BICC1: variants seen among roughly 807,000 people sequenced by gnomAD.
BICC1 encodes protein bicaudal C homolog 1.
Under a neutral mutation model 111.0 loss-of-function variants are expected in BICC1, and 43 were observed. That is an observed-to-expected ratio of 0.39 (90% confidence interval 0.30 to 0.50). The LOEUF (loss-of-function observed/expected upper bound fraction) is 0.50. Among genes scored for constraint, BICC1 ranks in the 20% least tolerant of loss-of-function variants. BICC1 has a pLI of 0.88. For synonymous variants in BICC1, 467 were observed against 434.4 expected, an observed-to-expected ratio of 1.07 and a Z score of -0.93; for missense variants, 1,091 against 1,203.2, an observed-to-expected ratio of 0.91 and a Z score of 1.38.
chr10:58,697,141 C>T (rs928059247), intron 2 of BICC1, among the ~76,000 whole-genome samples: 2 of 152,158 alleles, frequency 1.3e-5, no homozygotes, highest in Admixed American at 1.3e-4. Flanking sequence ...CAGAATGATC[C>T]GCTTAATTGA....
chr10:58,730,169 A>G (rs1431622292), intron 3 of BICC1, among the ~76,000 whole-genome samples: 1 of 152,062 alleles, frequency 6.6e-6, no homozygotes, highest in Admixed American at 6.6e-5. Context: ...TAGGTAAAAT[A>G]CTCCAGTTCC....
At chr10:58,515,168 C>G (rs1427200) in intron 1 of BICC1, among the ~76,000 whole-genome samples, 25 of 152,078 alleles carry the variant, frequency 1.6e-4, no homozygotes, top group African/African-American at 5.8e-4. Flanking sequence ...AGATGTGATA[C>G]TACGATCTGA....
intron 4 of BICC1, among the ~76,000 whole-genome samples, 183 bp downstream of exon 4, chr10:58,785,263 C>A (rs898936036): frequency 6.6e-6 from 1 of 152,130 alleles, no homozygotes; most frequent in African/African-American, 2.4e-5. Flanking sequence ...TAGGTTCTTT[C>A]ATGCTGAGTA....
At chr10:58,702,012 A>G in intron 2 of BICC1, 62 bp from the exon 3 acceptor site, 1 of 1,305,990 alleles carries the variant, frequency 7.7e-7, no homozygotes, top group Admixed American at 1.9e-5. Context: ...TGTGTGTGAA[A>G]AATCTTATCT....
intron 2 of BICC1, among the ~76,000 whole-genome samples, chr10:58,664,642 C>T (rs1838951908): frequency 6.7e-6 from 1 of 150,212 alleles, no homozygotes; most frequent in South Asian, 2.1e-4. Context: ...TCTGGGCCAT[C>T]TTGAGGTCTA....
intron 2 of BICC1, among the ~76,000 whole-genome samples, chr10:58,695,579 A>G (rs1840043860): frequency 6.6e-6 from 1 of 152,220 alleles, no homozygotes; most frequent in African/African-American, 2.4e-5. Context: ...AAGTTAGTAT[A>G]AATAGACCTG....
intron 1 of BICC1, among the ~76,000 whole-genome samples, chr10:58,577,008 A>G (rs894754933): frequency 1.3e-5 from 2 of 152,148 alleles, no homozygotes; most frequent in African/African-American, 2.4e-5. Flanking sequence ...AATGAGGGAA[A>G]ACAGAAACAA....
At chr10:58,822,352 A>T (rs941200346) in intron 20 of BICC1, among the ~76,000 whole-genome samples, 3 of 152,168 alleles carry the variant, frequency 2.0e-5, no homozygotes, top group Non-Finnish European at 4.4e-5. Context: ...AGCTGTAAAT[A>T]CATTCACAGG....
At chr10:58,512,871 C>A (rs1006054861), upstream of BICC1, among the ~76,000 whole-genome samples, 8 of 147,928 alleles carry the variant, frequency 5.4e-5, no homozygotes, top group Non-Finnish European at 1.2e-4. Flanking sequence ...GCGGCGCGCT[C>A]ATTCCGCGCG....
intron 2 of BICC1, among the ~76,000 whole-genome samples, chr10:58,698,391 C>T (rs1359414167): frequency 3.3e-5 from 5 of 152,250 alleles, no homozygotes; most frequent in Admixed American, 2.0e-4. Flanking sequence ...ACATGCCCTC[C>T]TCCTCTGCCT....
At chr10:58,545,986 A>C (rs1843128037) in intron 1 of BICC1, among the ~76,000 whole-genome samples, 3 of 152,118 alleles carry the variant, frequency 2.0e-5, no homozygotes, top group Admixed American at 2.0e-4. Flanking sequence ...ATATCTATTT[A>C]TATCTTGTTT....
At chr10:58,648,975 A>T (rs1838356950) in intron 2 of BICC1, among the ~76,000 whole-genome samples, 1 of 152,194 alleles carries the variant, frequency 6.6e-6, no homozygotes, top group South Asian at 2.1e-4. Flanking sequence ...CTTCTCCTTC[A>T]CACTTAATGA....
chr10:58,754,859 T>G (rs1264571668), intron 3 of BICC1, among the ~76,000 whole-genome samples: 1 of 152,104 alleles, frequency 6.6e-6, no homozygotes, highest in African/African-American at 2.4e-5. Context: ...GAAAGGACTT[T>G]GAATGTGAAA....
intron 3 of BICC1, among the ~76,000 whole-genome samples, chr10:58,776,573 G>A (rs1842754414): frequency 6.6e-6 from 1 of 152,170 alleles, no homozygotes; most frequent in Non-Finnish European, 1.5e-5. Context: ...GGATGCCATT[G>A]CCATTGCAGA....
chr10:58,553,068 T>A (rs1190991241), intron 1 of BICC1, among the ~76,000 whole-genome samples: 7 of 152,182 alleles, frequency 4.6e-5, no homozygotes, highest in Non-Finnish European at 8.8e-5. Flanking sequence ...TTGACCCCCA[T>A]AGGGCTTGTT....
intron 1 of BICC1, among the ~76,000 whole-genome samples, chr10:58,552,872 T>C (rs1189576819): frequency 6.6e-6 from 1 of 152,172 alleles, no homozygotes; most frequent in African/African-American, 2.4e-5. Flanking sequence ...AACAGGGCTT[T>C]CCTCACAATG....
chr10:58,613,609 T>C lies in BICC1; in HGVS notation c.191-7246T>C, dbSNP rs573452225. Among the ~76,000 whole-genome samples the C allele has an allele frequency of 6.4e-4, 97 of 152,320 alleles. No individual in the cohort carries two copies. In the South Asian group the frequency reaches 0.01, roughly 16 times the overall value. On this transcript the variant is annotated intron_variant, in intron 1 of 20. Coordinates refer to ENST00000373886, the MANE Select transcript of BICC1 (RefSeq NM_001080512.3). ...TAATGGTCTCCATATAAGTGCCCTT[T>C]GTTCTTCAGATCTAACGGTAGCTGT...
At chr10:58,567,190 A>G (rs1407344551) in intron 1 of BICC1, among the ~76,000 whole-genome samples, 2 of 152,172 alleles carry the variant, frequency 1.3e-5, no homozygotes, top group Admixed American at 6.5e-5. Flanking sequence ...AAAGCTTTCT[A>G]TGCTTAATGG....
intron 20 of BICC1, chr10:58,823,647 G>A (rs1052620835): frequency 3.2e-5 from 32 of 985,078 alleles, no homozygotes; most frequent in Non-Finnish European, 3.7e-5. Context: ...TGTTATATAT[G>A]CTAAAGGAGA....
Sources: allele counts gnomAD v4.1 joint callset (sites outside exome capture counted in the v4.1 genomes callset), GRCh38; gene constraint gnomAD v4.1.1; transcripts MANE v1.5; gene names NCBI Gene and HGNC (gene_info 2026-07-23, HGNC 2026-07-21).